The following WDR27 variants were observed in gnomAD, a reference collection of about 807,000 sequenced individuals.
WDR27 encodes WD repeat domain 27.
WDR27 carries 100 observed loss-of-function variants against 114.4 expected under a neutral mutation model. The observed-to-expected ratio is 0.87, with a 90% CI of 0.74 to 1.03. WDR27 has a LOEUF of 1.03. Among genes scored for constraint, WDR27 ranks in the 50% least tolerant of loss-of-function variants. The probability of loss-of-function intolerance (pLI) is 0.00; values close to 1 mark genes in which losing one functional copy is unlikely to be tolerated. For missense variants in WDR27, 1,129 were observed against 1,092.9 expected, an observed-to-expected ratio of 1.03 and a Z score of -0.47; for synonymous variants, 449 against 423.1, an observed-to-expected ratio of 1.06 and a Z score of -0.75.
intron 23 of WDR27, among the ~76,000 whole-genome samples, chr6:169,590,600 C>G (rs1411893741): frequency 6.6e-6 from 1 of 152,230 alleles, no homozygotes; most frequent in East Asian, 1.9e-4. Context: ...CCATGGGAGG[C>G]GAATGGCACC....
At chr6:169,534,611 A>G (rs1034056286) in intron 25 of WDR27, among the ~76,000 whole-genome samples, 1 of 152,032 alleles carries the variant, frequency 6.6e-6, no homozygotes, top group African/African-American at 2.4e-5. Context: ...TCTTGAATCA[A>G]TTTCAGTAAC....
chr6:169,613,064 A>G (rs1171720909), intron 22 of WDR27, among the ~76,000 whole-genome samples: 1 of 152,244 alleles, frequency 6.6e-6, no homozygotes, highest in African/African-American at 2.4e-5. Context: ...TTCAAAGTCT[A>G]CAAAGCATCT....
At chr6:169,625,071 C>T (rs530960343) in intron 21 of WDR27, among the ~76,000 whole-genome samples, 298 of 152,328 alleles carry the variant, frequency 2.0e-3, no homozygotes, top group Admixed American at 5.2e-3. Context: ...CTTATGTCAC[C>T]ACTATGGAAA....
chr6:169,579,251 G>A (rs992305404), intron 24 of WDR27, among the ~76,000 whole-genome samples: 3 of 152,224 alleles, frequency 2.0e-5, no homozygotes, highest in African/African-American at 4.8e-5. Context: ...TGATGAGGCT[G>A]TAATGTGGAG....
chr6:169,537,220 T>C (rs1360677116), intron 25 of WDR27, among the ~76,000 whole-genome samples: 1 of 152,156 alleles, frequency 6.6e-6, no homozygotes, highest in Non-Finnish European at 1.5e-5. Context: ...AGGCAAGATC[T>C]CTCTTCTTAC....
chr6:169,646,661 T>C (rs1820821622), intron 16 of WDR27, among the ~76,000 whole-genome samples: 2 of 150,112 alleles, frequency 1.3e-5, no homozygotes, highest in African/African-American at 4.9e-5. Context: ...GGCAGGAGAA[T>C]CACTTGAACC....
chr6:169,684,793 G>A lies in WDR27; in HGVS notation c.189+4024C>T, dbSNP rs933134503. Among the ~76,000 whole-genome samples the A allele has an allele frequency of 8.5e-5, 13 of 152,140 alleles. No individual in the cohort carries two copies. The highest frequency in any genetic ancestry group is 2.6e-4 in the Admixed American group (4 of 15,274). On this transcript the variant is annotated intron_variant, in intron 2 of 25. Transcript: ENST00000448612. The surrounding 1 kb of genome is among the most constrained non-coding windows in gnomAD (Gnocchi z 4.3). ...GCCAGCTGAGCAGCCTTGTGCCTAC[G>A]TCCAATGCTGGAGAAACAGCCCCAG...
intron 23 of WDR27, among the ~76,000 whole-genome samples, chr6:169,599,816 T>G (rs1288383595): frequency 1.3e-5 from 2 of 152,166 alleles, no homozygotes; most frequent in Non-Finnish European, 2.9e-5. Flanking sequence ...TTGAATGTGT[T>G]TGCTCTTGCT....
chr6:169,641,036 G>A (rs1407456380), intron 17 of WDR27, among the ~76,000 whole-genome samples: 1 of 152,180 alleles, frequency 6.6e-6, no homozygotes, highest in African/African-American at 2.4e-5. Context: ...CACAGCGTTT[G>A]CTGCACGTCC....
chr6:169,688,855 C>T lies in WDR27; in HGVS notation c.151G>A (p.Glu51Lys). The change falls in exon 2 of 26, where the codon GAA becomes AAA. Residue 51 changes from glutamate (E) to lysine (K), a missense_variant. By Grantham distance (56) the Glu-to-Lys change is moderately conservative (BLOSUM62 1). Transcript: ENST00000448612. ...QDCAFPLDGT[E>K]LCIWNTKDPS... ...TCCTTAGTGTTCCATATACAAAGTTCAGTTCCATCCAAAGGGAAAGCACAG... is the reference window on the plus strand; with the variant it reads ...TCCTTAGTGTTCCATATACAAAGTTTAGTTCCATCCAAAGGGAAAGCACAG... 1 of 1,612,840 alleles carries T rather than the reference C, an allele frequency of 6.2e-7. No homozygotes were observed. Among genetic ancestry groups the T allele is most frequent in the Non-Finnish European group, 8.5e-7 (1 of 1,179,530 alleles).
intron 23 of WDR27, among the ~76,000 whole-genome samples, chr6:169,599,921 A>G (rs1807603729): frequency 6.6e-6 from 1 of 151,336 alleles, no homozygotes; most frequent in Non-Finnish European, 1.5e-5. Flanking sequence ...TTCCCTCTAC[A>G]CACTGCTTTG....
chr6:169,469,629 G>A (rs1277992707), intron 25 of WDR27, among the ~76,000 whole-genome samples: 4 of 152,178 alleles, frequency 2.6e-5, no homozygotes, highest in African/African-American at 9.7e-5. Flanking sequence ...TGGCAGCCCT[G>A]CTCACCACTG....
chr6:169,626,312 G>A (rs1814806377), intron 21 of WDR27, among the ~76,000 whole-genome samples: 1 of 152,214 alleles, frequency 6.6e-6, no homozygotes, highest in South Asian at 2.1e-4. Context: ...GAGGGTGACA[G>A]AGGGGGGCTG....
At chr6:169,577,509 A>G (rs1228660955) in intron 24 of WDR27, among the ~76,000 whole-genome samples, 1 of 151,536 alleles carries the variant, frequency 6.6e-6, no homozygotes, top group Non-Finnish European at 1.5e-5. Flanking sequence ...CAAAGGGTCC[A>G]CACGTGGAGG....
At chr6:169,617,617 C>A (rs1239697545) in intron 21 of WDR27, among the ~76,000 whole-genome samples, 1 of 152,148 alleles carries the variant, frequency 6.6e-6, no homozygotes, top group Non-Finnish European at 1.5e-5. Context: ...CTCAGGTGAT[C>A]CACCCACCTC....
intron 1 of WDR27, among the ~76,000 whole-genome samples, chr6:169,695,681 T>C (rs1785726531): frequency 6.6e-6 from 1 of 152,208 alleles, no homozygotes; most frequent in Non-Finnish European, 1.5e-5. Flanking sequence ...ACACTCTCCC[T>C]AAGATGTCTG....
chr6:169,574,859 G>A (rs1158151552), intron 24 of WDR27, among the ~76,000 whole-genome samples: 1 of 152,182 alleles, frequency 6.6e-6, no homozygotes, highest in East Asian at 1.9e-4. Context: ...TCAGATCAGG[G>A]AAGTCACTCA....
chr6:169,587,721 A>G (rs1232088239), intron 23 of WDR27, among the ~76,000 whole-genome samples: 2 of 152,236 alleles, frequency 1.3e-5, no homozygotes, highest in African/African-American at 4.8e-5. Flanking sequence ...CTTTCTCATA[A>G]CAATCCTGTA....
chr6:169,645,043 A>AAAAAAAAAAAAAAAG (rs1820275419), intron 16 of WDR27, among the ~76,000 whole-genome samples: 1 of 59,680 alleles, frequency 1.7e-5, no homozygotes, highest in African/African-American at 1.2e-4. Flanking sequence ...AAATAAAAAA[A>AAAAAAAAAAAAAAAG]AAAAAAAAAA....
Sources: gnomAD v4.1 joint callset for allele counts (sites outside exome capture counted in the v4.1 genomes callset) on GRCh38, gnomAD v4.1.1 for gene constraint, Gnocchi (gnomAD v3.1) non-coding constraint, MANE v1.5 for transcripts, NCBI Gene and HGNC (gene_info 2026-07-23, HGNC 2026-07-21) for gene names.